Variants in ZNF385D observed in about 807,000 individuals in gnomAD.
ZNF385D encodes the protein zinc finger protein 385D.
ZNF385D carries 15 observed loss-of-function variants against 35.8 expected under a neutral mutation model. That is an observed-to-expected ratio of 0.42 (90% confidence interval 0.28 to 0.64). The LOEUF is 0.64. Among genes scored for constraint, ZNF385D ranks in the 30% least tolerant of loss-of-function variants. The probability of loss-of-function intolerance (pLI) is 0.23; values close to 1 mark genes in which losing one functional copy is unlikely to be tolerated. For missense variants in ZNF385D, 474 were observed against 494.6 expected (o/e 0.96, Z 0.39); for synonymous variants, 212 against 186.8 (o/e 1.13, Z -1.10).
intron 4 of ZNF385D, among the ~76,000 whole-genome samples, chr3:21,480,350 G>A (rs557662201): frequency 6.6e-6 from 1 of 151,928 alleles, no homozygotes; most frequent in Non-Finnish European, 1.5e-5. Flanking sequence ...TTATCCATTC[G>A]CTTCAGCCTC....
At chr3:21,816,916 C>T (rs2073172972) in intron 3 of ZNF385D, among the ~76,000 whole-genome samples, 1 of 152,150 alleles carries the variant, frequency 6.6e-6, no homozygotes, top group Admixed American at 6.5e-5. Context: ...AGGCATCACA[C>T]TACCTGACTT....
intron 2 of ZNF385D, among the ~76,000 whole-genome samples, chr3:22,312,012 T>C (rs753017342): frequency 5.3e-5 from 8 of 152,098 alleles, no homozygotes; most frequent in African/African-American, 1.9e-4. Flanking sequence ...CTACAATTAT[T>C]ATTTCCTCCG....
intron 3 of ZNF385D, among the ~76,000 whole-genome samples, chr3:22,158,298 A>G (rs1705720128): frequency 6.6e-6 from 1 of 152,106 alleles, no homozygotes; most frequent in African/African-American, 2.4e-5. Context: ...AGTCTACTTC[A>G]GAGTAATCTT....
intron 4 of ZNF385D, among the ~76,000 whole-genome samples, chr3:21,494,914 C>G (rs1705708860): frequency 6.6e-6 from 1 of 152,146 alleles, no homozygotes. Flanking sequence ...ATATCTGTGT[C>G]CCCGTCTACC....
chr3:22,061,643 C>T (rs1453228404), intron 3 of ZNF385D, among the ~76,000 whole-genome samples: 1 of 152,152 alleles, frequency 6.6e-6, no homozygotes, highest in African/African-American at 2.4e-5. Flanking sequence ...ACAGTTCATC[C>T]ATACAATGAG....
At chr3:21,602,401 A>T (rs900196640) in intron 2 of ZNF385D, among the ~76,000 whole-genome samples, 1 of 151,970 alleles carries the variant, frequency 6.6e-6, no homozygotes, top group Admixed American at 6.6e-5. Context: ...TAATAAATGA[A>T]TGGGCACATA....
chr3:21,969,701 G>A (rs928414865), intron 3 of ZNF385D, among the ~76,000 whole-genome samples: 1 of 151,950 alleles, frequency 6.6e-6, no homozygotes, highest in Non-Finnish European at 1.5e-5. Flanking sequence ...TGGGCTTTAA[G>A]TGAACACGGG....
chr3:21,963,011 A>G (rs1323710025), intron 3 of ZNF385D, among the ~76,000 whole-genome samples: 4 of 152,178 alleles, frequency 2.6e-5, no homozygotes, highest in Non-Finnish European at 2.9e-5. Flanking sequence ...CTCTGGGCAA[A>G]TATTTGTTAA....
chr3:21,815,391 A>C lies in ZNF385D; in HGVS notation c.326-150363T>G, dbSNP rs192024996. On this transcript the variant is annotated intron_variant, in intron 3 of 5. Transcript: ENST00000494108. ...ATACCCTTCAAAAAATCAATGAATC[A>C]AGGAGCTGTTTTTTGAAAAGATCAA... Among the ~76,000 whole-genome samples the C allele has an allele frequency of 1.7e-3, 255 of 152,230 alleles. 1 individual carries two copies. The highest frequency in any genetic ancestry group is 0.01 in the Middle Eastern group (3 of 294).
At chr3:21,858,157 C>CAAAA (rs34471727) in intron 3 of ZNF385D, among the ~76,000 whole-genome samples, 23 of 119,606 alleles carry the variant, frequency 1.9e-4, no homozygotes, top group African/African-American at 6.8e-4. Flanking sequence ...AAGAGTCTAT[C>CAAAA]AAAAAAAAAA....
intron 2 of ZNF385D, among the ~76,000 whole-genome samples, chr3:22,265,752 C>T (rs1700866869): frequency 6.6e-6 from 1 of 151,920 alleles, no homozygotes; most frequent in Admixed American, 6.6e-5. Flanking sequence ...TATCACTGAT[C>T]CAACACCTAC....
chr3:21,987,257 C>G (rs1363397585), intron 3 of ZNF385D, among the ~76,000 whole-genome samples: 1 of 140,136 alleles, frequency 7.1e-6, no homozygotes, highest in Non-Finnish European at 1.5e-5. Flanking sequence ...CAGTTTCTTC[C>G]TAGTCTCGAT....
intron 3 of ZNF385D, among the ~76,000 whole-genome samples, chr3:21,981,567 T>G (rs1308549357): frequency 2.6e-5 from 4 of 152,230 alleles, no homozygotes; most frequent in Non-Finnish European, 4.4e-5. Flanking sequence ...TAACAATTAA[T>G]CAGATCCCAC....
chr3:22,158,029 T>A (rs1054677984), intron 3 of ZNF385D, among the ~76,000 whole-genome samples: 1 of 152,100 alleles, frequency 6.6e-6, no homozygotes. Flanking sequence ...ATTCCAGATG[T>A]AAGATGAAAG....
At chr3:22,085,390 C>T (rs765789642) in intron 3 of ZNF385D, among the ~76,000 whole-genome samples, 4 of 152,056 alleles carry the variant, frequency 2.6e-5, no homozygotes, top group East Asian at 1.9e-4. Flanking sequence ...CTGATAAAGG[C>T]GATATCACCA....
At position 21,631,884 on chromosome 3, in the gene ZNF385D, C is replaced by T. The variant is rs149355056; in HGVS notation, c.165+33002G>A. 4.5e-3 allele frequency among the ~76,000 whole-genome samples: 682 copies of T among 152,130 alleles called. 5 individuals are homozygous for T. Among genetic ancestry groups the T allele is most frequent in the Non-Finnish European group, 7.1e-3 (482 of 67,988 alleles). On this transcript the variant is annotated intron_variant, in intron 2 of 7. Transcript: ENST00000281523. ...TTTAGGGATGCAATCTCATCATGTT[C>T]CTGGAAACAAAAGCATTTCATTGAA...
chr3:22,365,914 G>T (rs919281181), intron 2 of ZNF385D, among the ~76,000 whole-genome samples: 8 of 152,042 alleles, frequency 5.3e-5, no homozygotes, highest in Non-Finnish European at 8.8e-5. Flanking sequence ...TATTATTCCT[G>T]TAGGATTTAT....
chr3:22,079,843 G>A (rs374629197), intron 3 of ZNF385D, among the ~76,000 whole-genome samples: 1 of 151,866 alleles, frequency 6.6e-6, no homozygotes, highest in African/African-American at 2.4e-5. Context: ...GCATACTGAT[G>A]ACTCTGATCT....
At chr3:22,088,965 C>T (rs1380070646) in intron 3 of ZNF385D, among the ~76,000 whole-genome samples, 1 of 152,080 alleles carries the variant, frequency 6.6e-6, no homozygotes. Context: ...AAAGAACACT[C>T]TTAAAAGATT....
Sources: allele counts gnomAD v4.1 joint callset (sites outside exome capture counted in the v4.1 genomes callset), GRCh38; gene constraint gnomAD v4.1.1; transcripts MANE v1.5; gene names NCBI Gene and HGNC (gene_info 2026-07-23, HGNC 2026-07-21).